HIGD1A: variants seen among roughly 807,000 people sequenced by gnomAD.
The protein encoded by HIGD1A is HIG1 domain family member 1A, mitochondrial.
Under a neutral mutation model 11.3 loss-of-function variants are expected in HIGD1A, and 8 were observed. The observed-to-expected ratio is 0.71, with a 90% CI of 0.42 to 1.28. The LOEUF is 1.28. Among genes scored for constraint, HIGD1A ranks in the 50% most tolerant of loss-of-function variants. The pLI is 0.01. For synonymous variants in HIGD1A, 32 were observed against 38.4 expected (o/e 0.83, Z 0.62); for missense variants, 107 against 118.8 (o/e 0.90, Z 0.46).
chr3:42,784,448 T>C lies in HIGD1A; in HGVS notation c.*823A>G, dbSNP rs187640672. 13 of 152,568 alleles carry C rather than the reference T, an allele frequency of 8.5e-5. No homozygotes were observed. Among genetic ancestry groups the C allele is most frequent in the South Asian group, 2.1e-4 (1 of 4,832 alleles). 9.5% of individuals were successfully genotyped at this position (152,568 alleles called of 1,614,324 possible). ...GGTATACTGTCTGGCCAAACCAGCTTGCTCATAAGTCATTAACCAAATCCA... is the reference window on the plus strand; with the variant it reads ...GGTATACTGTCTGGCCAAACCAGCTCGCTCATAAGTCATTAACCAAATCCA... On this transcript the variant is annotated 3_prime_UTR_variant, in exon 4 of 4. Coordinates refer to ENST00000321331, the MANE Select transcript of HIGD1A (RefSeq NM_014056.4).
chr3:42,804,272 G>T, intron 1 of HIGD1A, 164 bp downstream of exon 1: 1 of 1,475,334 alleles, frequency 6.8e-7, no homozygotes, highest in Non-Finnish European at 9.3e-7. Context: ...CATGCTCGAG[G>T]CCGGGCCTGA....
rs945307214 is a variant in HIGD1A at position 42,804,477 on chromosome 3, C to T, written c.-64G>A. On this transcript the variant is annotated 5_prime_UTR_variant, in exon 1 of 4. Transcript: ENST00000321331. ...TCTCACACCCCAACCGGCTTCCGAT[C>T]CCTGCAGGCGCACCCAGTCCTCCCG... 5 of 463,370 alleles carry T rather than the reference C, an allele frequency of 1.1e-5. No homozygotes were observed. The highest frequency in any genetic ancestry group is 1.9e-5 in the Non-Finnish European group (5 of 261,066). 28.7% of individuals were successfully genotyped at this position (463,370 alleles called of 1,614,324 possible).
chr3:42,785,768 T>A (rs979630448), intron 3 of HIGD1A, among the ~76,000 whole-genome samples: 3 of 152,184 alleles, frequency 2.0e-5, no homozygotes, highest in African/African-American at 4.8e-5. Context: ...CAACCCCAAT[T>A]ACATGTCTAG....
chr3:42,804,139 C>G (rs759478787), intron 1 of HIGD1A: 16 of 1,605,292 alleles, frequency 1.0e-5, no homozygotes, highest in Middle Eastern at 1.7e-4. Context: ...CATTACCACC[C>G]CATCAGCGAG....
chr3:42,804,047 G>C, intron 1 of HIGD1A: 1 of 1,041,218 alleles, frequency 9.6e-7, no homozygotes, highest in Non-Finnish European at 1.4e-6. Flanking sequence ...CCGCTCTTCA[G>C]AATGTTCCAA....
intron 2 of HIGD1A, among the ~76,000 whole-genome samples, chr3:42,792,859 A>G (rs151312568): frequency 3.3e-5 from 5 of 150,514 alleles, no homozygotes; most frequent in African/African-American, 1.2e-4. Context: ...GCGGGCACCT[A>G]TAATTCTAGC....
intron 1 of HIGD1A, among the ~76,000 whole-genome samples, chr3:42,800,658 A>C (rs1700545704): frequency 6.6e-6 from 1 of 150,682 alleles, no homozygotes; most frequent in African/African-American, 2.4e-5. Context: ...CAGAATCAGT[A>C]TAAAATAGCA....
intron 2 of HIGD1A, among the ~76,000 whole-genome samples, chr3:42,787,249 C>T (rs1051605804): frequency 6.6e-6 from 1 of 151,498 alleles, no homozygotes; most frequent in Non-Finnish European, 1.5e-5. Flanking sequence ...TAAAGATAAC[C>T]ACCAGCAAGC....
At chr3:42,804,285 C>G in intron 1 of HIGD1A, 151 bp downstream of exon 1, 1 of 1,256,074 alleles carries the variant, frequency 8.0e-7, no homozygotes, top group Non-Finnish European at 1.1e-6. Context: ...GGGCCTGAGC[C>G]CCGGCAACTC....
chr3:42,786,232 G>A, intron 2 of HIGD1A, 70 bp from the exon 3 acceptor site: 1 of 1,458,500 alleles, frequency 6.9e-7, no homozygotes, highest in Non-Finnish European at 9.5e-7. Flanking sequence ...ATCAGTCAAT[G>A]TACATTCTAT....
intron 2 of HIGD1A, among the ~76,000 whole-genome samples, chr3:42,791,787 G>A (rs528085622): frequency 9.9e-5 from 15 of 152,172 alleles, no homozygotes; most frequent in South Asian, 8.3e-4. Context: ...GTCTTTCTGC[G>A]TATTTCATAA....
In HIGD1A at chr3:42,784,516, A is replaced by G. The variant is rs1700325099; in HGVS notation, c.*755T>C. On this transcript the variant is annotated 3_prime_UTR_variant, in exon 4 of 4. Transcript: ENST00000321331. ...AGTTCAATGTTTACAATTCTTATGG[A>G]AAAAATTAGCAACACACACATTTAA... is the stretch of plus-strand genomic sequence containing the variant. The G allele has an allele frequency of 6.5e-6, 1 of 152,674 alleles. No individual in the cohort carries two copies. Among genetic ancestry groups the G allele is most frequent in the South Asian group, 2.1e-4 (1 of 4,836 alleles). The allele number at this position is 152,674 out of a possible 1,614,324, so 9.5% of individuals were successfully genotyped here.
At chr3:42,790,586 G>C (rs1235037261) in intron 2 of HIGD1A, among the ~76,000 whole-genome samples, 2 of 152,114 alleles carry the variant, frequency 1.3e-5, no homozygotes, top group Admixed American at 1.3e-4. Context: ...TTACTTTGAT[G>C]AATACATTAA....
intron 1 of HIGD1A, among the ~76,000 whole-genome samples, chr3:42,801,627 A>C (rs1204932958): frequency 1.3e-5 from 2 of 152,242 alleles, no homozygotes; most frequent in African/African-American, 4.8e-5. Flanking sequence ...GAGTTTAATC[A>C]GTAAGAAAAA....
rs1700297251 is a variant in HIGD1A, at chr3:42,782,912, C to G, written c.*2359G>C. Among the ~76,000 whole-genome samples, 1 of 152,148 alleles carries G rather than the reference C, an allele frequency of 6.6e-6. No individual in the cohort carries two copies. The highest frequency in any genetic ancestry group is 2.4e-5 in the African/African-American group (1 of 41,424). ...AAATGTCACATGACTTTAGGCTTCT[C>G]TATAGCAATACTTTAATATTCCAAA... On this transcript the variant is annotated 3_prime_UTR_variant, in exon 4 of 4. Transcript: ENST00000321331.
intron 2 of HIGD1A, among the ~76,000 whole-genome samples, chr3:42,788,282 T>A (rs1175529079): frequency 3.3e-5 from 5 of 152,194 alleles, no homozygotes; most frequent in African/African-American, 1.2e-4. Context: ...TCTTTGCCAA[T>A]TAAATTTGAA....
At chr3:42,801,852 G>A (rs941192784) in intron 1 of HIGD1A, among the ~76,000 whole-genome samples, 1 of 152,150 alleles carries the variant, frequency 6.6e-6, no homozygotes, top group African/African-American at 2.4e-5. Flanking sequence ...AAAATCATTT[G>A]GGAATTGTCT....
intron 1 of HIGD1A, among the ~76,000 whole-genome samples, chr3:42,796,510 C>T (rs569762115): frequency 6.6e-6 from 1 of 151,580 alleles, no homozygotes; most frequent in Non-Finnish European, 1.5e-5. Flanking sequence ...CTAGACAGAG[C>T]TGATTTACCA....
chr3:42,789,111 G>A (rs540074081), intron 2 of HIGD1A, among the ~76,000 whole-genome samples: 4 of 130,758 alleles, frequency 3.1e-5, no homozygotes, highest in African/African-American at 5.8e-5. Context: ...TGCAATCTCC[G>A]CTCACTGCAA....
Sources: allele counts gnomAD v4.1 joint callset (sites outside exome capture counted in the v4.1 genomes callset), GRCh38; gene constraint gnomAD v4.1.1; transcripts MANE v1.5; gene names NCBI Gene and HGNC (gene_info 2026-07-23, HGNC 2026-07-21).